The following TBC1D32 variants were observed in gnomAD, a reference collection of about 807,000 sequenced individuals.
TBC1D32 encodes protein broad-minded.
In TBC1D32, 151 loss-of-function variants were observed where a neutral mutation model predicts 170.3. That is an observed-to-expected ratio of 0.89 (90% CI 0.78 to 1.01). TBC1D32 has a LOEUF of 1.01. TBC1D32 is among the 50% of genes least tolerant of loss of function. The pLI, the probability that TBC1D32 is intolerant of heterozygous loss-of-function variation, is 0.00. For missense variants in TBC1D32, 1,464 were observed against 1,457.1 expected (o/e 1.00, Z -0.08); for synonymous variants, 498 against 488.0 (o/e 1.02, Z -0.27).
intron 1 of TBC1D32, among the ~76,000 whole-genome samples, 194 bp downstream of exon 1, chr6:121,334,082 A>G (rs537939772): frequency 6.6e-6 from 1 of 152,256 alleles, no homozygotes; most frequent in South Asian, 2.1e-4. Flanking sequence ...ATATAGAGAG[A>G]AAGAGGCGGC....
At chr6:121,245,233 G>T (rs1797445996) in intron 17 of TBC1D32, among the ~76,000 whole-genome samples, 1 of 152,226 alleles carries the variant, frequency 6.6e-6, no homozygotes, top group African/African-American at 2.4e-5. Flanking sequence ...TACCAGAGCA[G>T]GTGCTGGTAT....
chr6:121,085,373 G>GTA (rs72212075), intron 31 of TBC1D32, among the ~76,000 whole-genome samples: 6,008 of 108,000 alleles, frequency 0.056, 134 homozygotes, highest in South Asian at 0.12. Context: ...ATATATATGT[G>GTA]TATATATATA....
chr6:121,112,624 A>C lies in TBC1D32; in HGVS notation c.3205T>G (p.Phe1069Val). The change falls in exon 29 of 32, where the codon TTT (phenylalanine) becomes GTT (valine). Residue 1069 changes from phenylalanine (F) to valine (V), a missense_variant. By Grantham distance (50) the Phe-to-Val change is conservative (BLOSUM62 -1). Around this residue, in one of 3 missense-constraint regions of TBC1D32, gnomAD observed 1,363 missense variants for 1,338.1 expected, o/e 1.02. Coordinates refer to ENST00000398212, the MANE Select transcript of TBC1D32 (RefSeq NM_152730.6). ...LQGNYAGHDW[F>V]VSSLFMIMLG... ...ATTATCATGAACAGAGAAGATACAA[A>C]CCAGTCATGGCCAGCATAATTCCCT... 6.2e-7 allele frequency: 1 copy of C among 1,605,936 alleles called. No individual in the cohort carries two copies.
At chr6:121,129,861 G>T (rs1426492455) in intron 25 of TBC1D32, 1 of 434,026 alleles carries the variant, frequency 2.3e-6, no homozygotes, top group Non-Finnish European at 4.5e-6. Flanking sequence ...GCAACAGGAA[G>T]AACATACTTC....
chr6:121,096,594 T>C (rs897362591), intron 30 of TBC1D32, among the ~76,000 whole-genome samples: 1 of 152,224 alleles, frequency 6.6e-6, no homozygotes, highest in South Asian at 2.1e-4. Context: ...ATAGGAAGAA[T>C]CAATATCATG....
At chr6:121,255,747 A>G (rs1446559187) in intron 16 of TBC1D32, among the ~76,000 whole-genome samples, 1 of 152,074 alleles carries the variant, frequency 6.6e-6, no homozygotes, top group Non-Finnish European at 1.5e-5. Context: ...GATCTCTAGT[A>G]TCCACAACAA....
chr6:121,328,136 A>T (rs1810686303), intron 1 of TBC1D32, among the ~76,000 whole-genome samples: 1 of 152,144 alleles, frequency 6.6e-6, no homozygotes, highest in East Asian at 1.9e-4. Flanking sequence ...TAAAATATCG[A>T]GACTATAATA....
In TBC1D32 at chr6:121,080,694, G is replaced by A. The variant is rs1205194195; in HGVS notation, c.*77C>T. 11 of 1,500,016 alleles carry A rather than the reference G, an allele frequency of 7.3e-6. No homozygotes were observed. The highest frequency in any genetic ancestry group is 2.2e-5 in the Admixed American group (1 of 44,764). The allele number at this position is 1,500,016 out of a possible 1,614,324, so 92.9% of individuals were successfully genotyped here. A position where few individuals can be genotyped will look rare whatever the true frequency, so the allele number is the denominator to read the frequency against. On this transcript the variant is annotated 3_prime_UTR_variant, in exon 32 of 32. Transcript: ENST00000398212. Reference sequence around the variant, plus strand: ...TATTCACAAAGTAAATGTTGTTACAGACACAGAAAAACATCAAGCCCCCCT... The same window carrying A: ...TATTCACAAAGTAAATGTTGTTACAAACACAGAAAAACATCAAGCCCCCCT...
intron 1 of TBC1D32, among the ~76,000 whole-genome samples, chr6:121,326,386 T>A (rs971785311): frequency 6.6e-6 from 1 of 152,170 alleles, no homozygotes; most frequent in African/African-American, 2.4e-5. Context: ...ATGATAAATG[T>A]CTGAGATGAT....
chr6:121,157,198 G>C (rs533967857), intron 24 of TBC1D32, among the ~76,000 whole-genome samples: 1 of 152,114 alleles, frequency 6.6e-6, no homozygotes, highest in Non-Finnish European at 1.5e-5. Context: ...CTCTAATGTT[G>C]AGTGCATACA....
At chr6:121,264,884 C>G (rs956317987) in intron 15 of TBC1D32, among the ~76,000 whole-genome samples, 4 of 152,154 alleles carry the variant, frequency 2.6e-5, no homozygotes, top group Admixed American at 1.3e-4. Flanking sequence ...TAAAAACTCT[C>G]AATAAACTAG....
chr6:121,272,414 A>T (rs1801584000), intron 15 of TBC1D32, among the ~76,000 whole-genome samples: 1 of 151,700 alleles, frequency 6.6e-6, no homozygotes, highest in South Asian at 2.1e-4. Flanking sequence ...TTTACAAGAA[A>T]AAAAACAAAC....
At chr6:121,110,505 A>G (rs1779099262) in intron 29 of TBC1D32, among the ~76,000 whole-genome samples, 1 of 151,922 alleles carries the variant, frequency 6.6e-6, no homozygotes, top group South Asian at 2.1e-4. Flanking sequence ...AAATAGGTTG[A>G]TTTCTTTTGA....
chr6:121,251,384 G>A (rs1239073104), intron 17 of TBC1D32, among the ~76,000 whole-genome samples: 3 of 151,986 alleles, frequency 2.0e-5, no homozygotes, highest in East Asian at 3.9e-4. Context: ...CAGAACAGAG[G>A]CCTCAGAGAT....
intron 23 of TBC1D32, 31 bp from the exon 24 acceptor site, chr6:121,160,134 G>A: frequency 7.5e-7 from 1 of 1,334,686 alleles, no homozygotes; most frequent in Non-Finnish European, 1.1e-6. Flanking sequence ...ATGACTTTAG[G>A]AAGTGGTCTA....
chr6:121,316,790 T>C (rs977316676), intron 3 of TBC1D32, among the ~76,000 whole-genome samples: 4 of 152,308 alleles, frequency 2.6e-5, no homozygotes, highest in South Asian at 4.1e-4. Flanking sequence ...TTTACAGTTA[T>C]GCCCCTGTGG....
At chr6:121,124,795 A>G (rs898562867) in intron 26 of TBC1D32, among the ~76,000 whole-genome samples, 3 of 151,522 alleles carry the variant, frequency 2.0e-5, no homozygotes, top group Admixed American at 6.6e-5. Flanking sequence ...TGTGTGATCA[A>G]TTCTGCTGTT....
intron 31 of TBC1D32, among the ~76,000 whole-genome samples, chr6:121,083,018 A>G (rs575952325): frequency 2.0e-5 from 3 of 152,186 alleles, no homozygotes; most frequent in Admixed American, 2.0e-4. Flanking sequence ...TTCAAAGTAG[A>G]ACATTTTTTC....
intron 22 of TBC1D32, among the ~76,000 whole-genome samples, chr6:121,203,207 T>C (rs1031745948): frequency 6.6e-6 from 1 of 151,292 alleles, no homozygotes; most frequent in South Asian, 2.1e-4. Context: ...TGACCAATAA[T>C]AGAAATTAGT....
Sources: gnomAD v4.1 joint callset for allele counts (sites outside exome capture counted in the v4.1 genomes callset) on GRCh38, gnomAD v4.1.1 for gene constraint, gnomAD v4.1.1 regional missense constraint, MANE v1.5 for transcripts, NCBI Gene and HGNC (gene_info 2026-07-23, HGNC 2026-07-21) for gene names.